The following MAPK10 variants were observed in gnomAD, a reference collection of about 807,000 sequenced individuals.
MAPK10 encodes mitogen-activated protein kinase 10, also known as JNK3 alpha protein kinase.
In MAPK10, 25 loss-of-function variants were observed where a neutral mutation model predicts 59.3. The ratio of observed to expected loss-of-function variants is 0.42; its 90% CI spans 0.31 to 0.59. The LOEUF is 0.59. MAPK10 is among the 20% of genes least tolerant of loss of function. The pLI is 0.15. For synonymous variants in MAPK10, 190 were observed against 200.5 expected (o/e 0.95, Z 0.44); for missense variants, 351 against 568.9 (o/e 0.62, Z 3.90).
intron 1 of MAPK10, among the ~76,000 whole-genome samples, chr4:86,559,506 C>T (rs1336185447): frequency 6.6e-6 from 1 of 152,162 alleles, no homozygotes; most frequent in African/African-American, 2.4e-5. Flanking sequence ...CTTGTTTCCC[C>T]TGCTCTATTT....
chr4:86,379,362 C>T (rs1472078046), intron 1 of MAPK10, among the ~76,000 whole-genome samples: 1 of 152,182 alleles, frequency 6.6e-6, no homozygotes, highest in African/African-American at 2.4e-5. Flanking sequence ...ATTTGATTCA[C>T]TGGGAATTGG....
At chr4:86,220,358 A>C (rs7687771) in intron 2 of MAPK10, among the ~76,000 whole-genome samples, 49,958 of 152,068 alleles carry the variant, frequency 0.33, 11,159 homozygotes, top group African/African-American at 0.64. Context: ...ACAAAAAAAA[A>C]ATGAGGTTGA....
Position 86,209,131 on chromosome 4 carries a change from TCA to T in MAPK10, c.-6-14726_-6-14725del, listed in dbSNP as rs1005397502. The stretch of plus-strand genomic sequence containing the variant: ...AAGGAGAGATCGTGTTCATTATATC[TCA>T]GTTTTTAATAGCAAAAAGTCAACAA... On this transcript the variant is annotated intron_variant, in intron 2 of 13. Transcript: ENST00000641462. Among the ~76,000 whole-genome samples the T allele has an allele frequency of 6.6e-5, 10 of 152,218 alleles. No individual in the cohort carries two copies. The East Asian group carries it at 1.5e-3, about 24-fold the overall frequency.
At chr4:86,244,225 A>G (rs2148695945) in intron 2 of MAPK10, among the ~76,000 whole-genome samples, 1 of 152,356 alleles carries the variant, frequency 6.6e-6, no homozygotes, top group East Asian at 1.9e-4. Flanking sequence ...TGTAGGAAAA[A>G]GAAAAGTAGT....
rs748344335 is a variant in MAPK10, at chr4:86,064,237, A to G, written c.1110+29T>C. ...GCTATGAGCTATGATTTGTTTGTGG[A>G]AGCAAAGTAAAGGCAGCCTATTTCT... On this transcript the variant is annotated intron_variant, in intron 11 of 13. Coordinates refer to ENST00000641462, the MANE Select transcript of MAPK10 (RefSeq NM_138982.4). 5.0e-6 allele frequency: 8 copies of G among 1,612,934 alleles called. No homozygotes were observed. The South Asian group carries it at 8.8e-5, about 18-fold the overall frequency.
intron 2 of MAPK10, among the ~76,000 whole-genome samples, chr4:86,239,646 A>G (rs2092567719): frequency 6.6e-6 from 1 of 151,962 alleles, no homozygotes; most frequent in Admixed American, 6.6e-5. Flanking sequence ...AGAGGTGTTT[A>G]TACTATTCTC....
chr4:86,143,523 G>A (rs182529520), intron 4 of MAPK10, among the ~76,000 whole-genome samples: 194 of 152,290 alleles, frequency 1.3e-3, no homozygotes, highest in Non-Finnish European at 1.5e-3. Flanking sequence ...AGAGAGAAGT[G>A]TTCAAGTCAC....
exon 1 of MAPK10, chr4:86,594,063 G>C (rs572314732): frequency 6.6e-6 from 1 of 152,304 alleles, no homozygotes; most frequent in African/African-American, 2.4e-5. Context: ...TCACCAACCT[G>C]AGCCTCTGGC....
chr4:86,108,626 T>C (rs1229667177), intron 4 of MAPK10, among the ~76,000 whole-genome samples: 1 of 152,182 alleles, frequency 6.6e-6, no homozygotes, highest in Non-Finnish European at 1.5e-5. Flanking sequence ...CAGTCTCTGT[T>C]TGCCCACCTC....
At chr4:86,375,475 CT>C (rs1739634861) in intron 1 of MAPK10, among the ~76,000 whole-genome samples, 2 of 152,036 alleles carry the variant, frequency 1.3e-5, no homozygotes, top group African/African-American at 4.8e-5. Context: ...AATCCCAGCA[CT>C]TTGGGGTGCC....
chr4:86,552,718 G>GA (rs1367301385), intron 1 of MAPK10, among the ~76,000 whole-genome samples: 1 of 152,146 alleles, frequency 6.6e-6, no homozygotes, highest in Non-Finnish European at 1.5e-5. Flanking sequence ...TTTGGAAAAA[G>GA]AGAGTGTCTC....
At chr4:86,077,402 C>G (rs1391659020) in intron 9 of MAPK10, among the ~76,000 whole-genome samples, 1 of 152,142 alleles carries the variant, frequency 6.6e-6, no homozygotes, top group East Asian at 1.9e-4. Flanking sequence ...TTGGGCCTCT[C>G]ATTTGCACAG....
At chr4:86,132,988 G>A (rs968344346) in intron 4 of MAPK10, among the ~76,000 whole-genome samples, 2 of 152,074 alleles carry the variant, frequency 1.3e-5, no homozygotes, top group Non-Finnish European at 2.9e-5. Context: ...CACCCCTCAA[G>A]CCCCAGGCCC....
At chr4:86,396,653 C>T in intron 1 of MAPK10, among the ~76,000 whole-genome samples, 1 of 152,216 alleles carries the variant, frequency 6.6e-6, no homozygotes, top group Non-Finnish European at 1.5e-5. Flanking sequence ...GCGCCAGCAT[C>T]TGCTCCGCTT....
chr4:86,022,120 G>A (rs1747454425), intron 13 of MAPK10, among the ~76,000 whole-genome samples: 1 of 152,246 alleles, frequency 6.6e-6, no homozygotes, highest in South Asian at 2.1e-4. Context: ...GGCAGGGGAG[G>A]TGCCGAGAGC....
At chr4:86,546,041 A>C (rs1449377148) in intron 1 of MAPK10, among the ~76,000 whole-genome samples, 4 of 151,752 alleles carry the variant, frequency 2.6e-5, no homozygotes, top group African/African-American at 9.7e-5. Flanking sequence ...GCCTGAGCTC[A>C]GGAGTTCAAG....
At chr4:86,276,609 C>T (rs1417300850) in intron 2 of MAPK10, among the ~76,000 whole-genome samples, 1 of 152,144 alleles carries the variant, frequency 6.6e-6, no homozygotes, top group African/African-American at 2.4e-5. Context: ...CTTTCTCCTT[C>T]CTTGCCCACC....
At chr4:86,190,353 C>T (rs1022958041) in intron 3 of MAPK10, among the ~76,000 whole-genome samples, 7 of 152,128 alleles carry the variant, frequency 4.6e-5, no homozygotes, top group Admixed American at 4.6e-4. Context: ...CAGTAGAATT[C>T]AGCTGTGAAT....
At position 86,101,039 on chromosome 4, in the gene MAPK10, G is replaced by A. The variant is rs377372842; in HGVS notation, c.730+13C>T. ...TTCATGGTTTTGATGCTGCTCTCCC[G>A]AAGCATCCCTACCGTTCTCCTTGTA... On this transcript the variant is annotated intron_variant, in intron 8 of 13. Coordinates refer to ENST00000641462, the MANE Select transcript of MAPK10 (RefSeq NM_138982.4). 1.9e-5 allele frequency: 31 copies of A among 1,611,602 alleles called. No individual in the cohort carries two copies. Among genetic ancestry groups the A allele is most frequent in the African/African-American group, 8.0e-5 (6 of 74,840 alleles).
Sources: gnomAD v4.1 joint callset for allele counts (sites outside exome capture counted in the v4.1 genomes callset) on GRCh38, gnomAD v4.1.1 for gene constraint, MANE v1.5 for transcripts, NCBI Gene and HGNC (gene_info 2026-07-23, HGNC 2026-07-21) for gene names.